RAB3GAP2: variants seen among roughly 807,000 people sequenced by gnomAD.
The protein encoded by RAB3GAP2 is rab3 GTPase-activating protein non-catalytic subunit.
A neutral mutation model predicts 185.3 loss-of-function variants in RAB3GAP2; 87 were observed. The ratio of observed to expected loss-of-function variants is 0.47; its 90% CI spans 0.39 to 0.56. The LOEUF (loss-of-function observed/expected upper bound fraction) is 0.56. RAB3GAP2 is among the 20% of genes least tolerant of loss of function. The pLI, the probability that RAB3GAP2 is intolerant of heterozygous loss-of-function variation, is 0.00. For missense variants in RAB3GAP2, 1,492 were observed against 1,638.2 expected (o/e 0.91, Z 1.54); for synonymous variants, 554 against 576.1 (o/e 0.96, Z 0.55).
intron 32 of RAB3GAP2, 167 bp from the exon 33 acceptor site, chr1:220,153,573 TTTGAAA>T (rs1657802086): frequency 1.9e-6 from 1 of 513,790 alleles, no homozygotes; most frequent in East Asian, 3.2e-5. Flanking sequence ...TCAAGAATAC[TTTGAAA>T]TTGGTCTTTT....
At chr1:220,154,179 G>C in intron 31 of RAB3GAP2, 122 bp from the exon 32 acceptor site, 2 of 1,370,730 alleles carry the variant, frequency 1.5e-6, no homozygotes, top group Non-Finnish European at 2.0e-6. Flanking sequence ...TGAACAGTAA[G>C]ATTTTAGAAT....
intron 19 of RAB3GAP2, among the ~76,000 whole-genome samples, chr1:220,183,522 A>G (rs552774150): frequency 3.5e-4 from 53 of 152,184 alleles, no homozygotes; most frequent in South Asian, 8.3e-4. Flanking sequence ...CAAAGTGTTA[A>G]GGTTACAGGT....
chr1:220,173,803 G>A (rs377114208), intron 21 of RAB3GAP2, among the ~76,000 whole-genome samples: 2 of 152,114 alleles, frequency 1.3e-5, no homozygotes, highest in Admixed American at 6.5e-5. Context: ...GGCGGATCAC[G>A]AGGTCAGGAG....
intron 1 of RAB3GAP2, among the ~76,000 whole-genome samples, chr1:220,257,766 C>CA (rs1024570370): frequency 3.3e-5 from 5 of 151,124 alleles, no homozygotes; most frequent in East Asian, 1.9e-4. Context: ...AAAAGCCCTT[C>CA]AAAAAAAATC....
At chr1:220,230,355 C>CT (rs1659475858) in intron 2 of RAB3GAP2, among the ~76,000 whole-genome samples, 1 of 152,232 alleles carries the variant, frequency 6.6e-6, no homozygotes, top group Admixed American at 6.5e-5. Flanking sequence ...CCGGAGTAAG[C>CT]AGCAACCAGT....
chr1:220,204,020 C>T (rs905293605), intron 8 of RAB3GAP2, among the ~76,000 whole-genome samples: 3 of 152,140 alleles, frequency 2.0e-5, no homozygotes, highest in Non-Finnish European at 2.9e-5. Context: ...TTCCCCTTTT[C>T]TTCTGGGATT....
intron 2 of RAB3GAP2, among the ~76,000 whole-genome samples, chr1:220,230,717 T>A (rs957574163): frequency 1.3e-5 from 2 of 151,820 alleles, no homozygotes; most frequent in African/African-American, 4.8e-5. Flanking sequence ...TTTTAAAAAC[T>A]TCTTATTATG....
chr1:220,196,106 G>T, intron 10 of RAB3GAP2, 144 bp downstream of exon 10: 3 of 891,412 alleles, frequency 3.4e-6, no homozygotes, highest in Non-Finnish European at 5.2e-6. Flanking sequence ...AAGAAAGCTA[G>T]TTGAGATTAA....
At chr1:220,160,145 C>G (rs940967191) in intron 28 of RAB3GAP2, among the ~76,000 whole-genome samples, 13 of 152,176 alleles carry the variant, frequency 8.5e-5, no homozygotes, top group African/African-American at 3.1e-4. Flanking sequence ...GAAAACCACT[C>G]TAAAGCACAT....
In RAB3GAP2 at chr1:220,191,094, T is replaced by C; in HGVS notation, c.1461A>G (p.Gly487=). 6.2e-7 allele frequency: 1 copy of C among 1,613,938 alleles called. No individual in the cohort carries two copies. The highest frequency in any genetic ancestry group is 8.5e-7 in the Non-Finnish European group (1 of 1,179,948). ...TGCAGTGCTTCCCCACATTGAAAGCTCCTACTCTAGGTCCCTGCTGTGTGC... is the reference window on the plus strand; with the variant it reads ...TGCAGTGCTTCCCCACATTGAAAGCCCCTACTCTAGGTCCCTGCTGTGTGC... The part of the protein sequence containing the change: ...VWSTQQGPRV[G]AFNVGKHCRL... The change falls in exon 14 of 35, where the codon GGA becomes GGG. Residue 487 remains glycine, a synonymous_variant. Coordinates refer to ENST00000358951, the MANE Select transcript of RAB3GAP2 (RefSeq NM_012414.4).
intron 1 of RAB3GAP2, among the ~76,000 whole-genome samples, chr1:220,233,167 G>A (rs1173152713): frequency 3.3e-5 from 5 of 152,088 alleles, no homozygotes; most frequent in Admixed American, 3.3e-4. Flanking sequence ...AAATCAAGCT[G>A]CAAAGGTGAC....
At chr1:220,165,789 C>G (rs1390005535) in intron 26 of RAB3GAP2, among the ~76,000 whole-genome samples, 1 of 152,112 alleles carries the variant, frequency 6.6e-6, no homozygotes, top group Admixed American at 6.6e-5. Context: ...CTATTACAGC[C>G]CTCATTTTAG....
chr1:220,254,279 T>C (rs1659993757), intron 1 of RAB3GAP2: 4 of 1,613,360 alleles, frequency 2.5e-6, no homozygotes, highest in Non-Finnish European at 3.4e-6. Flanking sequence ...CTCTATAAAT[T>C]TGAGAGACCA....
Position 220,272,419 on chromosome 1 carries a change from C to A in RAB3GAP2, c.-82G>T. On this transcript the variant is annotated 5_prime_UTR_variant, in exon 1 of 35. Transcript: ENST00000358951. ...CACCCCACTGCGGCCGCCACCGAGC[C>A]CCAATAGCTCTAGCCAAGCAGAAGG... 1 of 898,640 alleles carries A rather than the reference C, an allele frequency of 1.1e-6. No homozygotes were observed. The highest frequency in any genetic ancestry group is 1.8e-6 in the Non-Finnish European group (1 of 553,102). The allele number at this position is 898,640 out of a possible 1,614,324, so 55.7% of individuals were successfully genotyped here. A position where few individuals can be genotyped will look rare whatever the true frequency, so the allele number is the denominator to read the frequency against.
rs1379238652 is a variant in RAB3GAP2, at chr1:220,232,725, G to T, written c.180+74C>A. 3.8e-6 allele frequency: 5 copies of T among 1,311,992 alleles called. No homozygotes were observed. In the East Asian group the frequency reaches 9.2e-5, roughly 24 times the overall value. The allele number at this position is 1,311,992 out of a possible 1,614,324, so 81.3% of individuals were successfully genotyped here. A position where few individuals can be genotyped will look rare whatever the true frequency, so the allele number is the denominator to read the frequency against. On this transcript the variant is annotated intron_variant, in intron 2 of 34. Transcript: ENST00000358951. The stretch of plus-strand genomic sequence containing the variant: ...TCGAATTTAAAATGTCAGCTTGACA[G>T]GGAAATATGTCACCATCATTACAAA...
chr1:220,212,230 A>C (rs1156340220), intron 4 of RAB3GAP2, among the ~76,000 whole-genome samples: 1 of 152,214 alleles, frequency 6.6e-6, no homozygotes, highest in Admixed American at 6.5e-5. Flanking sequence ...GCCCAATATC[A>C]GCAAAGCAGA....
At chr1:220,240,663 A>G (rs2102896033) in intron 1 of RAB3GAP2, among the ~76,000 whole-genome samples, 1 of 152,272 alleles carries the variant, frequency 6.6e-6, no homozygotes, top group East Asian at 1.9e-4. Context: ...CTTACATGAT[A>G]TGAAGAGAAA....
chr1:220,191,503 T>C (rs1658619515), intron 13 of RAB3GAP2, among the ~76,000 whole-genome samples: 1 of 152,172 alleles, frequency 6.6e-6, no homozygotes, highest in Non-Finnish European at 1.5e-5. Context: ...TATATTTACT[T>C]CTGACCACTT....
chr1:220,259,981 T>G (rs761579107), intron 1 of RAB3GAP2, among the ~76,000 whole-genome samples: 1 of 152,010 alleles, frequency 6.6e-6, no homozygotes, highest in African/African-American at 2.4e-5. Flanking sequence ...AAAAACATAT[T>G]GAAAAAAAGC....
Sources: allele counts gnomAD v4.1 joint callset (sites outside exome capture counted in the v4.1 genomes callset), GRCh38; gene constraint gnomAD v4.1.1; transcripts MANE v1.5; gene names NCBI Gene and HGNC (gene_info 2026-07-23, HGNC 2026-07-21).